INHBA: variants seen among roughly 807,000 people sequenced by gnomAD.
INHBA encodes the protein inhibin subunit beta A.
Under a neutral mutation model 29.0 loss-of-function variants are expected in INHBA, and 1 was observed. The ratio of observed to expected loss-of-function variants is 0.03; its 90% CI spans 0.01 to 0.16. The LOEUF is 0.16. INHBA is among the 10% of genes least tolerant of loss of function. The pLI is 1.00. For missense variants in INHBA, 376 were observed against 545.4 expected, an observed-to-expected ratio of 0.69 and a Z score of 3.09; for synonymous variants, 242 against 216.8, an observed-to-expected ratio of 1.12 and a Z score of -1.02.
chr7:41,696,713 G>C (rs887222944), intron 2 of INHBA, among the ~76,000 whole-genome samples: 1 of 152,162 alleles, frequency 6.6e-6, no homozygotes, highest in African/African-American at 2.4e-5. Flanking sequence ...AAGTTCGGAA[G>C]GTGGGATTGG....
intron 2 of INHBA, chr7:41,693,979 G>GA (rs1427412514): frequency 1.3e-5 from 2 of 152,084 alleles, no homozygotes; most frequent in East Asian, 1.9e-4. Context: ...ATTTTATCAG[G>GA]AAAAAATATA....
At chr7:41,699,407 G>A (rs1794721043) in intron 2 of INHBA, among the ~76,000 whole-genome samples, 1 of 152,198 alleles carries the variant, frequency 6.6e-6, no homozygotes, top group Non-Finnish European at 1.5e-5. Context: ...TGCACTTATA[G>A]ACATTTTCTA....
upstream of INHBA, among the ~76,000 whole-genome samples, chr7:41,704,665 G>A (rs1392085374): frequency 2.7e-5 from 4 of 149,352 alleles, no homozygotes; most frequent in African/African-American, 9.9e-5. Flanking sequence ...TGTAGGTGAC[G>A]TGGGGTGGGG....
In INHBA at chr7:41,690,022, G is replaced by C; in HGVS notation, c.909C>G (p.His303Gln). The C allele has an allele frequency of 1.2e-6, 2 of 1,614,118 alleles. No individual in the cohort carries two copies. Among genetic ancestry groups the C allele is most frequent in the Non-Finnish European group, 1.7e-6 (2 of 1,180,040 alleles). Residue 303 changes from histidine (H) to glutamine (Q), a missense_variant, in exon 3 of 3, where the codon CAC (histidine) becomes CAG (glutamine). Physicochemically the swap from His to Gln is conservative, Grantham distance 24 (BLOSUM62 0). Transcript: ENST00000242208. ...LMLQARQSED[H>Q]PHRRRRRGLE... ...AGCCCCGCCGACGCCGGCGATGAGG[G>C]TGGTCTTCAGACTGCCGGGCCTGCA...
chr7:41,692,624 G>C (rs1794548178), intron 2 of INHBA: 1 of 152,336 alleles, frequency 6.6e-6, no homozygotes, highest in Non-Finnish European at 1.5e-5. Flanking sequence ...GTGGTAAGGG[G>C]AGTTCCTCTG....
intron 2 of INHBA, among the ~76,000 whole-genome samples, chr7:41,693,167 A>G (rs927119206): frequency 2.0e-5 from 3 of 152,228 alleles, no homozygotes; most frequent in Non-Finnish European, 4.4e-5. Flanking sequence ...TAGAGAACCC[A>G]GAGGGCACAA....
intron 2 of INHBA, among the ~76,000 whole-genome samples, chr7:41,699,778 C>CCTTTT (rs1794729927): frequency 6.6e-6 from 1 of 152,110 alleles, no homozygotes; most frequent in Admixed American, 6.5e-5. Flanking sequence ...AGGCAGAGCT[C>CCTTTT]GACCGAGAAT....
At position 41,690,454 on chromosome 7, in the gene INHBA, T is replaced by C. The variant is rs968394569; in HGVS notation, c.477A>G (p.Leu159=). ...TGGTCCTGTTGGCCTTGGGGACTTT[T>C]AGGAAGAGCCAGACTTCTGCACGCT... ...VVERAEVWLF[L]KVPKANRTRT... is the part of the protein sequence containing the mutation. The change falls in exon 3 of 3, where the codon CTA becomes CTG. Residue 159 remains leucine, a synonymous_variant. Coordinates refer to ENST00000242208, the MANE Select transcript of INHBA (RefSeq NM_002192.4). 8.1e-6 allele frequency: 13 copies of C among 1,613,976 alleles called. No homozygotes were observed. In the African/African-American group the frequency reaches 1.6e-4, roughly 20 times the overall value.
At position 41,689,559 on chromosome 7, in the gene INHBA, CT is replaced by C; in HGVS notation, c.*90del. On this transcript the variant is annotated 3_prime_UTR_variant, in exon 3 of 3. Coordinates refer to ENST00000242208, the MANE Select transcript of INHBA (RefSeq NM_002192.4). The stretch of plus-strand genomic sequence containing the variant: ...TGTTTTGTTTTTAATTTCTATTTTT[CT>C]GGTTAACTCAGAAACCTTAAAAATT... 2 of 712,280 alleles carry C rather than the reference CT, an allele frequency of 2.8e-6. No individual in the cohort carries two copies. The highest frequency in any genetic ancestry group is 1.9e-6 in the Non-Finnish European group (1 of 524,912). 44.1% of individuals were successfully genotyped at this position (712,280 alleles called of 1,614,324 possible).
upstream of INHBA, among the ~76,000 whole-genome samples, chr7:41,703,766 A>AAC (rs3030167): frequency 0.61 from 90,940 of 147,888 alleles, 27,787 homozygotes; most frequent in Non-Finnish European, 0.63. Context: ...TAACTAACCA[A>AAC]ACACACACAC....
At chr7:41,692,469 T>G (rs1398928528) in intron 2 of INHBA, 1 of 152,236 alleles carries the variant, frequency 6.6e-6, no homozygotes, top group Non-Finnish European at 1.5e-5. Context: ...GATTCTGTTC[T>G]TAATTTAACA....
At chr7:41,697,844 C>T (rs960315230) in intron 2 of INHBA, among the ~76,000 whole-genome samples, 6 of 152,154 alleles carry the variant, frequency 3.9e-5, no homozygotes, top group African/African-American at 7.2e-5. Flanking sequence ...TGGTTTTCTG[C>T]TTGAAGAGTA....
At chr7:41,704,592 C>T (rs866380545), upstream of INHBA, among the ~76,000 whole-genome samples, 101 of 150,798 alleles carry the variant, frequency 6.7e-4, 1 homozygote, top group Admixed American at 2.0e-3. Flanking sequence ...AAAACATCCC[C>T]TCCGCCTCCA....
chr7:41,699,636 C>T (rs115950391), intron 2 of INHBA, among the ~76,000 whole-genome samples: 8 of 152,146 alleles, frequency 5.3e-5, no homozygotes, highest in Non-Finnish European at 8.8e-5. Context: ...CGGCTTTCCT[C>T]CGGCTGCTCA....
upstream of INHBA, chr7:41,705,287 G>A (rs1367446066): frequency 6.6e-6 from 1 of 152,254 alleles, no homozygotes; most frequent in Non-Finnish European, 1.5e-5. Context: ...ACTGTACCTT[G>A]AGCAGCACCT....
chr7:41,699,619 A>G (rs1794725303), intron 2 of INHBA, among the ~76,000 whole-genome samples: 1 of 151,898 alleles, frequency 6.6e-6, no homozygotes. Context: ...AGCACCCGAA[A>G]ATGCCGCGGC....
rs533504275 is a variant in INHBA at position 41,686,854 on chromosome 7, C to T, written c.*2796G>A. 3.9e-5 allele frequency: 6 copies of T among 152,302 alleles called. No homozygotes were observed. The highest frequency in any genetic ancestry group is 1.2e-4 in the African/African-American group (5 of 41,574). 9.4% of individuals were successfully genotyped at this position (152,302 alleles called of 1,614,324 possible). ...TGGTAAATTTCTGCTTTTTCCATGG[C>T]CTTGACCATCTTTGCTACTGCGCAG... On this transcript the variant is annotated 3_prime_UTR_variant, in exon 3 of 3. Transcript: ENST00000242208.
At chr7:41,696,563 G>A (rs979612245) in intron 2 of INHBA, among the ~76,000 whole-genome samples, 1 of 152,102 alleles carries the variant, frequency 6.6e-6, no homozygotes, top group East Asian at 1.9e-4. Flanking sequence ...TCCAGTACGC[G>A]CAACTGCCTT....
chr7:41,685,939 T>C lies in INHBA; in HGVS notation c.*3711A>G, dbSNP rs1350027261. On this transcript the variant is annotated 3_prime_UTR_variant, in exon 3 of 3. Coordinates refer to ENST00000242208, the MANE Select transcript of INHBA (RefSeq NM_002192.4). ...TTTTCCCTACATTGAAAAGAGAAGT[T>C]GCCAAAAGGTGCACAGGAAATCATT... 1 of 152,140 alleles carries C rather than the reference T, an allele frequency of 6.6e-6. No individual in the cohort carries two copies. Among genetic ancestry groups the C allele is most frequent in the Non-Finnish European group, 1.5e-5 (1 of 67,998 alleles). 9.4% of individuals were successfully genotyped at this position (152,140 alleles called of 1,614,324 possible).
Sources: allele counts gnomAD v4.1 joint callset (sites outside exome capture counted in the v4.1 genomes callset), GRCh38; gene constraint gnomAD v4.1.1; transcripts MANE v1.5; gene names NCBI Gene and HGNC (gene_info 2026-07-23, HGNC 2026-07-21).